Variants in TNFRSF19 observed in about 807,000 individuals in gnomAD.
The protein encoded by TNFRSF19 is tumor necrosis factor receptor superfamily member 19.
In TNFRSF19, 27 loss-of-function variants were observed where a neutral mutation model predicts 46.4. That is an observed-to-expected ratio of 0.58 (90% CI 0.43 to 0.80). TNFRSF19 has a LOEUF of 0.80. TNFRSF19 is among the 30% of genes least tolerant of loss of function. The pLI is 0.00. For missense variants in TNFRSF19, 511 were observed against 530.8 expected, an observed-to-expected ratio of 0.96 and a Z score of 0.37; for synonymous variants, 204 against 205.0, an observed-to-expected ratio of 1.00 and a Z score of 0.04.
intron 3 of TNFRSF19, among the ~76,000 whole-genome samples, chr13:23,603,274 A>T (rs1458222788): frequency 1.3e-5 from 2 of 152,068 alleles, no homozygotes; most frequent in East Asian, 3.8e-4. Context: ...CAAAGCTCAC[A>T]CAAGAAGAAA....
intron 2 of TNFRSF19, among the ~76,000 whole-genome samples, chr13:23,590,889 A>G (rs1194751280): frequency 6.6e-6 from 1 of 152,030 alleles, no homozygotes; most frequent in Non-Finnish European, 1.5e-5. Flanking sequence ...CTAAAAGACC[A>G]TAAATTCTAA....
In TNFRSF19 at chr13:23,626,769, C is replaced by G. The variant is rs373486475; in HGVS notation, c.422C>G (p.Pro141Arg). 4.2e-5 allele frequency: 68 copies of G among 1,613,818 alleles called. No homozygotes were observed. Among genetic ancestry groups the G allele is most frequent in the Non-Finnish European group, 5.5e-5 (65 of 1,179,872 alleles). The change falls in exon 5 of 10, where the codon CCT becomes CGT. Residue 141 changes from proline to arginine, a missense_variant. Pro to Arg is a moderately radical substitution (Grantham distance 103). Coordinates refer to ENST00000248484, the MANE Select transcript of TNFRSF19 (RefSeq NM_148957.4). ...QDMECVPCGD[P>R]PPPYEPHCAS... Reference sequence around the variant, plus strand: ...ATGGAGTGTGTGCCTTGTGGAGACCCTCCTCCTCCTTACGAACCGCACTGT... The same window carrying G: ...ATGGAGTGTGTGCCTTGTGGAGACCGTCCTCCTCCTTACGAACCGCACTGT...
chr13:23,669,283 A>T, intron 9 of TNFRSF19, 186 bp downstream of exon 9: 1 of 1,409,652 alleles, frequency 7.1e-7, no homozygotes. Context: ...TAACACAGCT[A>T]ATATATAAGA....
rs1233415076 is a variant in TNFRSF19 at position 23,615,965 on chromosome 13, G to A, written c.279G>A (p.Leu93=). The A allele has an allele frequency of 6.2e-7, 1 of 1,613,978 alleles. No homozygotes were observed. ...DWGFQKCKPC[L]DCAVVNRFQK... ...GCTTCCAGAAATGCAAGCCCTGTCT[G>A]GACTGCGCAGTGGTGAACCGCTTTC... The change falls in exon 4 of 10, where the codon CTG becomes CTA. Residue 93 remains leucine, a synonymous_variant. Coordinates refer to ENST00000248484, the MANE Select transcript of TNFRSF19 (RefSeq NM_148957.4).
intron 7 of TNFRSF19, among the ~76,000 whole-genome samples, chr13:23,665,611 C>T (rs899056787): frequency 6.6e-6 from 1 of 151,546 alleles, no homozygotes; most frequent in Non-Finnish European, 1.5e-5. Flanking sequence ...TTGCTTTATC[C>T]CCTCTCTCTC....
At chr13:23,642,904 G>A (rs777226101) in intron 5 of TNFRSF19, among the ~76,000 whole-genome samples, 2 of 152,194 alleles carry the variant, frequency 1.3e-5, no homozygotes, top group Non-Finnish European at 2.9e-5. Flanking sequence ...ACTTTAATGT[G>A]TGTTCACAGG....
intron 5 of TNFRSF19, among the ~76,000 whole-genome samples, chr13:23,631,648 T>TTC (rs1301981432): frequency 6.6e-6 from 1 of 152,206 alleles, no homozygotes; most frequent in Non-Finnish European, 1.5e-5. Flanking sequence ...GCCTGGTAAG[T>TTC]AAGAGTACCT....
At chr13:23,577,814 C>T (rs1408347376) in intron 1 of TNFRSF19, among the ~76,000 whole-genome samples, 1 of 152,082 alleles carries the variant, frequency 6.6e-6, no homozygotes, top group Non-Finnish European at 1.5e-5. Flanking sequence ...TCTCGGAATG[C>T]TAATCTAAGG....
At chr13:23,638,815 T>C (rs3794348) in intron 5 of TNFRSF19, among the ~76,000 whole-genome samples, 34,254 of 152,124 alleles carry the variant, frequency 0.23, 4,605 homozygotes, top group Non-Finnish European at 0.3. Context: ...CCCATCACGC[T>C]GCGGGTTCCT....
chr13:23,652,734 C>CACAT (rs1237420601), intron 5 of TNFRSF19, among the ~76,000 whole-genome samples: 1 of 152,204 alleles, frequency 6.6e-6, no homozygotes, highest in African/African-American at 2.4e-5. Context: ...AACCAATGAA[C>CACAT]ACATCATTGG....
At chr13:23,612,812 A>G (rs1480914757) in intron 3 of TNFRSF19, among the ~76,000 whole-genome samples, 1 of 152,272 alleles carries the variant, frequency 6.6e-6, no homozygotes, top group East Asian at 1.9e-4. Flanking sequence ...CACCACATTA[A>G]GTTGTATGTT....
chr13:23,621,749 G>T (rs1485394949), intron 4 of TNFRSF19, among the ~76,000 whole-genome samples: 1 of 151,128 alleles, frequency 6.6e-6, no homozygotes, highest in Non-Finnish European at 1.5e-5. Flanking sequence ...TGTGACATCA[G>T]CCTGGGCAAC....
chr13:23,666,572 TA>T (rs754746716), intron 7 of TNFRSF19, among the ~76,000 whole-genome samples: 2 of 152,252 alleles, frequency 1.3e-5, no homozygotes, highest in African/African-American at 4.8e-5. Context: ...ATGTCCGCAT[TA>T]TTCTTTTAGC....
intron 5 of TNFRSF19, among the ~76,000 whole-genome samples, chr13:23,631,368 G>T (rs144710385): frequency 5.9e-5 from 9 of 152,254 alleles, no homozygotes; most frequent in East Asian, 3.9e-4. Flanking sequence ...TAATTACACT[G>T]TACATACTAT....
rs373423757 is a variant in TNFRSF19 at position 23,578,251 on chromosome 13, C to T, written c.-35+7403C>T. The stretch of plus-strand genomic sequence containing the variant: ...GATGGGACAGGGAAGCACACACTTG[C>T]CTTGAGGTTCAAATTAGATAACGTA... On this transcript the variant is annotated intron_variant, in intron 1 of 9. Transcript: ENST00000248484. 2.0e-5 allele frequency among the ~76,000 whole-genome samples: 3 copies of T among 152,198 alleles called. No individual in the cohort carries two copies. The South Asian group carries it at 6.2e-4, about 32-fold the overall frequency.
chr13:23,591,728 C>T (rs201791263), intron 2 of TNFRSF19, among the ~76,000 whole-genome samples: 7 of 103,642 alleles, frequency 6.8e-5, no homozygotes, highest in Non-Finnish European at 6.4e-5. Context: ...TTCTTTCTTT[C>T]TTTTTTTTTT....
chr13:23,667,910 T>C, intron 7 of TNFRSF19, 70 bp from the exon 8 acceptor site: 1 of 1,316,968 alleles, frequency 7.6e-7, no homozygotes, highest in South Asian at 1.4e-5. Context: ...GAGAGCAGTG[T>C]TGAAGTGTTA....
intron 4 of TNFRSF19, among the ~76,000 whole-genome samples, chr13:23,622,802 A>T (rs1384664116): frequency 1.3e-5 from 2 of 152,138 alleles, no homozygotes; most frequent in African/African-American, 4.8e-5. Context: ...TTGATATTTA[A>T]TTCAATGAAC....
intron 7 of TNFRSF19, among the ~76,000 whole-genome samples, chr13:23,661,395 G>A (rs1884358571): frequency 6.6e-6 from 1 of 152,224 alleles, no homozygotes; most frequent in South Asian, 2.1e-4. Context: ...TGGCTGCATA[G>A]TATTCCATGG....
Sources: gnomAD v4.1 joint callset for allele counts (sites outside exome capture counted in the v4.1 genomes callset) on GRCh38, gnomAD v4.1.1 for gene constraint, MANE v1.5 for transcripts, NCBI Gene and HGNC (gene_info 2026-07-23, HGNC 2026-07-21) for gene names.